The following HEATR4 variants were observed in gnomAD, a reference collection of about 807,000 sequenced individuals.
HEATR4 encodes the protein HEAT repeat-containing protein 4.
Under a neutral mutation model 108.8 loss-of-function variants are expected in HEATR4, and 95 were observed. That is an observed-to-expected ratio of 0.87 (90% CI 0.74 to 1.04). HEATR4 has a LOEUF of 1.04. Ranked by LOEUF, HEATR4 falls within the 50% of genes least tolerant of loss-of-function variation. The probability of loss-of-function intolerance (pLI) is 0.00; values close to 1 mark genes in which losing one functional copy is unlikely to be tolerated. For synonymous variants in HEATR4, 443 were observed against 459.4 expected (o/e 0.96, Z 0.46); for missense variants, 1,152 against 1,253.8 (o/e 0.92, Z 1.23).
chr14:73,533,817 G>C (rs1888781631), intron 1 of HEATR4, among the ~76,000 whole-genome samples: 1 of 106,488 alleles, frequency 9.4e-6, no homozygotes, highest in South Asian at 3.1e-4. Context: ...AGAGGCCAAG[G>C]CAGGATGATC....
At chr14:73,624,532 GACAAGGCT>G in the HEATR4 span, among the ~76,000 whole-genome samples, 4 of 152,190 alleles carry the variant, frequency 2.6e-5, no homozygotes, top group African/African-American at 7.2e-5. Flanking sequence ...AGTGTAGGAG[GACAAGGCT>G]ACAGTGAACC....
At chr14:73,631,661 C>T in the HEATR4 span, 2 of 161,056 alleles carry the variant, frequency 1.2e-5, no homozygotes, top group South Asian at 1.7e-4. Context: ...TGGAAGACTA[C>T]GAGCCTTATT....
At position 73,537,839 on chromosome 14, in the gene HEATR4, C is replaced by T; in HGVS notation, c.-151-7595G>A. 3 of 1,208,304 alleles carry T rather than the reference C, an allele frequency of 2.5e-6. 1 individual carries two copies. The highest frequency in any genetic ancestry group is 1.5e-5 in the South Asian group (1 of 68,264). The allele number at this position is 1,208,304 out of a possible 1,614,324, so 74.8% of individuals were successfully genotyped here. A position where few individuals can be genotyped will look rare whatever the true frequency, so the allele number is the denominator to read the frequency against. ...GCCCGGGGTGCGGCGCGAGCCGGTG[C>T]GCGCGGGCCGGGTGCGAGGCACGCT... is the stretch of plus-strand genomic sequence containing the variant. On this transcript the variant is annotated intron_variant, in intron 1 of 17. Coordinates refer to ENST00000553558, the MANE Select transcript of HEATR4 (RefSeq NM_001220484.1).
intron 17 of HEATR4, chr14:73,491,006 T>G: frequency 2.1e-6 from 3 of 1,411,412 alleles, no homozygotes; most frequent in African/African-American, 3.0e-5. Flanking sequence ...GGAAGACTGG[T>G]GTGGTCTGGC....
chr14:73,478,863 A>G (rs761592878), intron 17 of HEATR4, 21 bp from the exon 18 acceptor site: 2 of 1,564,508 alleles, frequency 1.3e-6, no homozygotes, highest in East Asian at 2.2e-5. Flanking sequence ...ACATGAAAAC[A>G]TGAGTGCATA....
At chr14:73,565,767 G>A in the HEATR4 span, among the ~76,000 whole-genome samples, 1 of 152,028 alleles carries the variant, frequency 6.6e-6, no homozygotes, top group Non-Finnish European at 1.5e-5. Context: ...CCTTGGTGGT[G>A]AGTGTTAGAG....
At chr14:73,629,875 C>A in the HEATR4 span, among the ~76,000 whole-genome samples, 1 of 151,732 alleles carries the variant, frequency 6.6e-6, no homozygotes, top group African/African-American at 2.4e-5. Context: ...TTTGGATCTC[C>A]TGACTTTGAG....
the HEATR4 span, among the ~76,000 whole-genome samples, chr14:73,587,086 A>T: frequency 1.5e-4 from 23 of 151,832 alleles, no homozygotes; most frequent in African/African-American, 5.6e-4. Flanking sequence ...GAGTTTACTC[A>T]ATTTCCTCCC....
chr14:73,626,738 G>C, the HEATR4 span, among the ~76,000 whole-genome samples: 2 of 145,350 alleles, frequency 1.4e-5, no homozygotes. Context: ...ACCTAGCTGA[G>C]ATAACTGATG....
the HEATR4 span, chr14:73,612,727 C>A: frequency 7.3e-7 from 1 of 1,371,920 alleles, no homozygotes; most frequent in Non-Finnish European, 9.3e-7. Context: ...ACGCGCGCTA[C>A]CGTGCCGACG....
intron 11 of HEATR4, 146 bp from the exon 12 acceptor site, chr14:73,500,876 G>C (rs1595096681): frequency 1.5e-6 from 1 of 669,436 alleles, no homozygotes; most frequent in South Asian, 2.0e-5. Flanking sequence ...AGTTTTACTG[G>C]GTACAGAGCT....
intron 2 of HEATR4, 107 bp from the exon 3 acceptor site, chr14:73,523,331 G>A (rs1466028991): frequency 6.8e-6 from 4 of 591,252 alleles, no homozygotes; most frequent in East Asian, 5.6e-5. Context: ...GAAAGGGGGT[G>A]GGGAAGAGCC....
chr14:73,564,946 C>A, the HEATR4 span, among the ~76,000 whole-genome samples: 2 of 151,878 alleles, frequency 1.3e-5, no homozygotes, highest in East Asian at 3.8e-4. Flanking sequence ...TGTTCTCTAA[C>A]CTGCTTTTTT....
chr14:73,528,392 C>CAAAAAAAAA lies in HEATR4; in HGVS notation c.-73+1765_-73+1773dup, dbSNP rs371875141. Among the ~76,000 whole-genome samples, 84 of 88,476 alleles carry CAAAAAAAAA rather than the reference C, an allele frequency of 9.5e-4. 2 individuals are homozygous for CAAAAAAAAA. The highest frequency in any genetic ancestry group is 1.8e-3 in the African/African-American group (37 of 20,792). The allele number at this position is 88,476 out of a possible 152,430, so 58.0% of individuals were successfully genotyped here. A position where few individuals can be genotyped will look rare whatever the true frequency, so the allele number is the denominator to read the frequency against. The stretch of plus-strand genomic sequence containing the variant: ...GGACGACAAGAGCGAAACTTCATCT[C>CAAAAAAAAA]AAAAAAAAAAAAAAAAAAAAAACTT... On this transcript the variant is annotated intron_variant, in intron 2 of 17. Transcript: ENST00000553558.
At chr14:73,504,926 C>T (rs769139273) in intron 10 of HEATR4, among the ~76,000 whole-genome samples, 61 of 152,004 alleles carry the variant, frequency 4.0e-4, no homozygotes, top group Non-Finnish European at 7.7e-4. Flanking sequence ...CCATCTTCAC[C>T]GACAGTTGGT....
chr14:73,594,983 G>C, the HEATR4 span: 61 of 1,575,950 alleles, frequency 3.9e-5, no homozygotes, highest in East Asian at 1.3e-3. Context: ...GGGATTACAG[G>C]CATGAGCCAC....
At chr14:73,520,811 T>C in intron 4 of HEATR4, 41 bp downstream of exon 4, 1 of 1,558,988 alleles carries the variant, frequency 6.4e-7, no homozygotes, top group South Asian at 1.2e-5. Flanking sequence ...TCCTGGCCCA[T>C]GTCCCCGTGT....
chr14:73,595,644 C>T, the HEATR4 span: 1 of 1,520,668 alleles, frequency 6.6e-7, no homozygotes, highest in Non-Finnish European at 8.8e-7. Flanking sequence ...ACAGCTGTCC[C>T]TAAATTGTAA....
chr14:73,584,460 A>G, the HEATR4 span, among the ~76,000 whole-genome samples: 1 of 151,392 alleles, frequency 6.6e-6, no homozygotes, highest in Non-Finnish European at 1.5e-5. Flanking sequence ...TAACAACCCC[A>G]GCCCAGAATT....
Sources: gnomAD v4.1 joint callset for allele counts (sites outside exome capture counted in the v4.1 genomes callset) on GRCh38, gnomAD v4.1.1 for gene constraint, MANE v1.5 for transcripts, NCBI Gene and HGNC (gene_info 2026-07-23, HGNC 2026-07-21) for gene names.